WDPCP: variants seen among roughly 807,000 people sequenced by gnomAD.
The protein encoded by WDPCP is WD repeat containing planar cell polarity effector, also known as WD repeat-containing and planar cell polarity effector protein fritz homolog.
In WDPCP, 71 loss-of-function variants were observed where a neutral mutation model predicts 93.1. That is an observed-to-expected ratio of 0.76 (90% CI 0.63 to 0.93). The LOEUF (loss-of-function observed/expected upper bound fraction) is 0.93, where lower values mean the gene tolerates loss of function less well. Among genes scored for constraint, WDPCP ranks in the 40% least tolerant of loss-of-function variants. WDPCP has a pLI of 0.00. For missense variants in WDPCP, 844 were observed against 887.4 expected (o/e 0.95, Z 0.62); for synonymous variants, 315 against 315.0 (o/e 1.00, Z 0.00).
At chr2:63,535,122 G>C (rs1222577857) in intron 1 of WDPCP, among the ~76,000 whole-genome samples, 2 of 152,152 alleles carry the variant, frequency 1.3e-5, no homozygotes, top group Non-Finnish European at 2.9e-5. Flanking sequence ...TTGCTTCAAA[G>C]AGAATAAAAT....
rs1239793150 is a variant in WDPCP at position 63,498,949 on chromosome 2, A to T, written c.76-6009T>A. ...AGCTTGGACTAACCTATTGTACCCA[A>T]AGAATGGAGTACTAGAAACAATGGC... On this transcript the variant is annotated intron_variant, in intron 1 of 17. Transcript: ENST00000272321. 2.6e-5 allele frequency among the ~76,000 whole-genome samples: 4 copies of T among 152,244 alleles called. No homozygotes were observed. In the East Asian group the frequency reaches 7.7e-4, roughly 29 times the overall value.
intron 6 of WDPCP, among the ~76,000 whole-genome samples, chr2:63,483,524 C>CA (rs1345898628): frequency 2.0e-5 from 3 of 151,316 alleles, no homozygotes; most frequent in African/African-American, 7.3e-5. Context: ...GTAGACTAGA[C>CA]AAAAAAATGA....
chr2:63,763,179 C>A (rs1274813584), intron 2 of WDPCP, among the ~76,000 whole-genome samples: 1 of 152,056 alleles, frequency 6.6e-6, no homozygotes, highest in Non-Finnish European at 1.5e-5. Flanking sequence ...GCACCTAATA[C>A]CCTGACTGAC....
intron 3 of WDPCP, chr2:63,622,066 CTTTTTTTTTT>C (rs33925505): frequency 2.1e-5 from 11 of 529,132 alleles, no homozygotes; most frequent in African/African-American, 8.5e-5. Flanking sequence ...TTTCTTTTTT[CTTTTTTTTTT>C]TTTTTTTTGG....
At chr2:63,588,487 G>GCC (rs1709040802), upstream of WDPCP, 2 of 646,916 alleles carry the variant, frequency 3.1e-6, no homozygotes, top group East Asian at 5.4e-5. Flanking sequence ...CAATTCCCCC[G>GCC]CCCCTCCAGA....
At chr2:63,477,080 T>C (rs1700014539) in intron 6 of WDPCP, among the ~76,000 whole-genome samples, 1 of 152,290 alleles carries the variant, frequency 6.6e-6, no homozygotes, top group South Asian at 2.1e-4. Flanking sequence ...TAATCCAAAA[T>C]GAACATATAT....
At chr2:63,675,760 G>C (rs974086982) in intron 2 of WDPCP, among the ~76,000 whole-genome samples, 3 of 152,108 alleles carry the variant, frequency 2.0e-5, no homozygotes, top group African/African-American at 7.2e-5. Context: ...CAGTTGCCAT[G>C]TTTTGTCTTA....
intron 2 of WDPCP, among the ~76,000 whole-genome samples, chr2:63,794,145 C>T (rs1670581331): frequency 6.6e-6 from 1 of 152,148 alleles, no homozygotes. Context: ...TTCTGAATTG[C>T]TCTCTTTCAT....
intron 2 of WDPCP, among the ~76,000 whole-genome samples, chr2:63,723,761 A>G (rs930128930): frequency 1.2e-4 from 19 of 152,240 alleles, no homozygotes; most frequent in African/African-American, 4.1e-4. Context: ...CTGAGGCAAC[A>G]TGGATTATAA....
At chr2:63,619,859 G>A (rs905340697) in intron 3 of WDPCP, among the ~76,000 whole-genome samples, 28 of 152,272 alleles carry the variant, frequency 1.8e-4, no homozygotes, top group Non-Finnish European at 2.5e-4. Context: ...CAGTGGGTGC[G>A]GCCCATGGAG....
chr2:63,498,878 A>C (rs1701381376), intron 1 of WDPCP, among the ~76,000 whole-genome samples: 1 of 152,256 alleles, frequency 6.6e-6, no homozygotes, highest in Non-Finnish European at 1.5e-5. Flanking sequence ...ATGGAGGTAT[A>C]TGAGCAGAAG....
intron 1 of WDPCP, among the ~76,000 whole-genome samples, chr2:63,533,886 AC>A (rs930556509): frequency 7.7e-5 from 4 of 51,962 alleles, no homozygotes; most frequent in East Asian, 0.02. Flanking sequence ...AGATAGAGAC[AC>A]AAAAAAACCC....
chr2:63,338,420 C>T (rs987367676), intron 12 of WDPCP, among the ~76,000 whole-genome samples: 11 of 151,276 alleles, frequency 7.3e-5, no homozygotes, highest in Middle Eastern at 6.8e-3. Context: ...AGCATGGTGA[C>T]GGGTGTGTGT....
At chr2:63,307,532 C>G (rs1441457748) in intron 13 of WDPCP, among the ~76,000 whole-genome samples, 1 of 152,054 alleles carries the variant, frequency 6.6e-6, no homozygotes, top group Non-Finnish European at 1.5e-5. Flanking sequence ...GTACTGGTAC[C>G]AAAAACAGAT....
chr2:63,323,624 T>G (rs1687293637), intron 12 of WDPCP, among the ~76,000 whole-genome samples: 2 of 152,152 alleles, frequency 1.3e-5, no homozygotes, highest in Admixed American at 1.3e-4. Flanking sequence ...ATAACATCTT[T>G]ATAGGACATG....
At chr2:63,829,572 T>C (rs1671163101), upstream of WDPCP, among the ~76,000 whole-genome samples, 2 of 152,082 alleles carry the variant, frequency 1.3e-5, no homozygotes, top group African/African-American at 2.4e-5. Flanking sequence ...TTACATTCTA[T>C]TTGCTACTTT....
intron 2 of WDPCP, among the ~76,000 whole-genome samples, chr2:63,808,607 G>A (rs564164342): frequency 1.3e-5 from 2 of 152,238 alleles, no homozygotes; most frequent in African/African-American, 4.8e-5. Flanking sequence ...GCCTCCCGAG[G>A]TGCCGGGATT....
chr2:63,481,753 G>A (rs903741199), intron 6 of WDPCP, among the ~76,000 whole-genome samples: 3 of 151,766 alleles, frequency 2.0e-5, no homozygotes, highest in African/African-American at 7.3e-5. Context: ...AGGGTGGGAG[G>A]GGGGTGAGGG....
In WDPCP at chr2:63,390,253, C is replaced by T. The variant is rs187231921; in HGVS notation, c.1436-8159G>A. On this transcript the variant is annotated intron_variant, in intron 10 of 17. Transcript: ENST00000272321. Reference sequence around the variant, plus strand: ...CAGGATTAAGAAACTCACTCAAAACCGCACAACTATATGGAAACTGAACAA... The same window carrying T: ...CAGGATTAAGAAACTCACTCAAAACTGCACAACTATATGGAAACTGAACAA... Among the ~76,000 whole-genome samples the T allele has an allele frequency of 3.5e-3, 525 of 151,718 alleles. 1 individual carries two copies. Among genetic ancestry groups the T allele is most frequent in the African/African-American group, 0.012 (477 of 41,334 alleles).
Sources: allele counts gnomAD v4.1 joint callset (sites outside exome capture counted in the v4.1 genomes callset), GRCh38; gene constraint gnomAD v4.1.1; transcripts MANE v1.5; gene names NCBI Gene and HGNC (gene_info 2026-07-23, HGNC 2026-07-21).